PTK2: variants seen among roughly 807,000 people sequenced by gnomAD.
The protein encoded by PTK2 is protein tyrosine kinase 2.
In PTK2, 45 loss-of-function variants were observed where a neutral mutation model predicts 150.1. That is an observed-to-expected ratio of 0.30 (90% CI 0.24 to 0.38). The LOEUF (loss-of-function observed/expected upper bound fraction) is 0.38. Ranked by LOEUF, PTK2 falls within the 10% of genes least tolerant of loss-of-function variation. The probability of loss-of-function intolerance (pLI) is 1.00; values close to 1 mark genes in which losing one functional copy is unlikely to be tolerated. For synonymous variants in PTK2, 432 were observed against 449.2 expected (o/e 0.96, Z 0.48); for missense variants, 919 against 1,307.3 (o/e 0.70, Z 4.58).
rs559591480 is a variant in PTK2 at position 140,743,104 on chromosome 8, C to T, written c.1735+126G>A. 9.4e-5 allele frequency: 61 copies of T among 645,838 alleles called. No individual in the cohort carries two copies. The African/African-American group carries it at 1.0e-3, about 11-fold the overall frequency. The allele number at this position is 645,838 out of a possible 1,614,324, so 40.0% of individuals were successfully genotyped here. ...CCAGCACCATTGCTGAGAAGGCTGT[C>T]GCTTCCTCCATTTAGTTGATTTTAT... On this transcript the variant is annotated intron_variant, in intron 20 of 31. Transcript: ENST00000522684.
At chr8:140,939,663 C>T (rs748377277) in intron 1 of PTK2, among the ~76,000 whole-genome samples, 3 of 152,150 alleles carry the variant, frequency 2.0e-5, no homozygotes, top group Admixed American at 6.5e-5. Context: ...CATTATTCTA[C>T]CAGGATTTTT....
chr8:140,919,877 T>C (rs1039811499), intron 2 of PTK2, among the ~76,000 whole-genome samples: 3 of 152,108 alleles, frequency 2.0e-5, no homozygotes, highest in Admixed American at 6.5e-5. Context: ...AAAGAATCAA[T>C]AGATGTCAGC....
chr8:140,800,798 T>G (rs1423228221), intron 11 of PTK2, among the ~76,000 whole-genome samples: 1 of 152,184 alleles, frequency 6.6e-6, no homozygotes, highest in Non-Finnish European at 1.5e-5. Flanking sequence ...AAAAATCACT[T>G]AAACTGGGGC....
chr8:140,996,019 A>C (rs1353173217), intron 1 of PTK2, among the ~76,000 whole-genome samples: 2 of 152,074 alleles, frequency 1.3e-5, no homozygotes, highest in African/African-American at 4.8e-5. Flanking sequence ...CGTGAGGCGG[A>C]GGGTGCAGTC....
intron 24 of PTK2, 21 bp from the exon 28 acceptor site, chr8:140,702,728 A>G (rs1385051007): frequency 2.5e-6 from 4 of 1,611,328 alleles, no homozygotes; most frequent in Non-Finnish European, 3.4e-6. Context: ...GTAAGGAGGC[A>G]AGGTAATGTT....
At chr8:140,890,267 TAA>T (rs771284220) in intron 3 of PTK2, 1,598 of 282,324 alleles carry the variant, frequency 5.7e-3, no homozygotes, top group East Asian at 7.8e-3. Flanking sequence ...ATCCAAGAGT[TAA>T]AAAAAAAAAA....
At chr8:140,998,433 T>C (rs2100198609) in intron 1 of PTK2, among the ~76,000 whole-genome samples, 1 of 152,138 alleles carries the variant, frequency 6.6e-6, no homozygotes, top group Non-Finnish European at 1.5e-5. Context: ...AGGACAGTTT[T>C]CAAAATTATT....
At chr8:140,800,193 C>T (rs1220649520) in intron 12 of PTK2, among the ~76,000 whole-genome samples, 1 of 152,008 alleles carries the variant, frequency 6.6e-6, no homozygotes, top group Non-Finnish European at 1.5e-5. Context: ...ATAGTAATGG[C>T]AATTTAGAAA....
At chr8:140,667,598 G>T (rs901264066) in intron 30 of PTK2, among the ~76,000 whole-genome samples, 2 of 152,020 alleles carry the variant, frequency 1.3e-5, no homozygotes, top group African/African-American at 4.8e-5. Context: ...ACCACACTCA[G>T]CCCCTAGTGT....
intron 10 of PTK2, among the ~76,000 whole-genome samples, chr8:140,817,961 T>C (rs914057783): frequency 6.6e-6 from 1 of 152,122 alleles, no homozygotes; most frequent in Non-Finnish European, 1.5e-5. Flanking sequence ...AGTACAAATA[T>C]ACCCAAATCA....
chr8:140,722,685 T>C (rs2100043642), intron 22 of PTK2, among the ~76,000 whole-genome samples: 1 of 152,156 alleles, frequency 6.6e-6, no homozygotes, highest in Non-Finnish European at 1.5e-5. Flanking sequence ...AGCACATCCC[T>C]GGTTAGTGGT....
intron 5 of PTK2, among the ~76,000 whole-genome samples, chr8:140,846,905 A>T (rs1234107726): frequency 2.0e-5 from 3 of 152,164 alleles, no homozygotes; most frequent in Non-Finnish European, 4.4e-5. Flanking sequence ...TTTCTTCAGT[A>T]CCTTTCATAT....
chr8:140,824,650 C>T (rs147660269), intron 8 of PTK2, among the ~76,000 whole-genome samples: 14 of 152,240 alleles, frequency 9.2e-5, no homozygotes, highest in Non-Finnish European at 1.8e-4. Context: ...TCAGTTTTTA[C>T]GAAAAGGATA....
intron 17 of PTK2, chr8:140,751,925 C>A (rs530514449): frequency 5.5e-6 from 3 of 547,564 alleles, no homozygotes; most frequent in African/African-American, 3.7e-5. Flanking sequence ...GGGGTCTGGG[C>A]AGCATCAACA....
intron 10 of PTK2, among the ~76,000 whole-genome samples, chr8:140,804,516 G>A (rs907561947): frequency 3.3e-5 from 5 of 151,856 alleles, no homozygotes; most frequent in African/African-American, 9.7e-5. Context: ...CTCTAGCTTG[G>A]GCAACTCAGT....
At chr8:140,680,006 A>C (rs1394010431) in intron 27 of PTK2, among the ~76,000 whole-genome samples, 1 of 152,228 alleles carries the variant, frequency 6.6e-6, no homozygotes, top group East Asian at 1.9e-4. Context: ...CTACCGGTGC[A>C]TAAATGGGGG....
chr8:140,972,234 G>C (rs1032447367), intron 1 of PTK2, among the ~76,000 whole-genome samples: 20 of 151,644 alleles, frequency 1.3e-4, no homozygotes, highest in African/African-American at 4.8e-4. Flanking sequence ...TTTTAATTAT[G>C]CTCAATTGTT....
At chr8:140,707,974 A>G (rs2100034734) in intron 23 of PTK2, among the ~76,000 whole-genome samples, 2 of 152,180 alleles carry the variant, frequency 1.3e-5, no homozygotes, top group South Asian at 4.1e-4. Context: ...CAGGATCTCT[A>G]AAGTCACTTC....
intron 1 of PTK2, among the ~76,000 whole-genome samples, chr8:140,926,000 T>C (rs2100169290): frequency 6.6e-6 from 1 of 152,216 alleles, no homozygotes; most frequent in Non-Finnish European, 1.5e-5. Flanking sequence ...CACAACAAAC[T>C]ACCCATGGGG....
Sources: allele counts gnomAD v4.1 joint callset (sites outside exome capture counted in the v4.1 genomes callset), GRCh38; gene constraint gnomAD v4.1.1; transcripts MANE v1.5; gene names NCBI Gene and HGNC (gene_info 2026-07-23, HGNC 2026-07-21).